The following ROBO1 variants were observed in gnomAD, a reference collection of about 807,000 sequenced individuals.
ROBO1 encodes roundabout guidance receptor 1.
A neutral mutation model predicts 195.9 loss-of-function variants in ROBO1; 149 were observed. The ratio of observed to expected loss-of-function variants is 0.76; its 90% CI spans 0.67 to 0.87. The LOEUF is 0.87. ROBO1 is among the 40% of genes least tolerant of loss of function. ROBO1 has a pLI of 0.00. For missense variants in ROBO1, 1,933 were observed against 2,068.3 expected, an observed-to-expected ratio of 0.93 and a Z score of 1.27; for synonymous variants, 816 against 733.2, an observed-to-expected ratio of 1.11 and a Z score of -1.82.
chr3:79,213,614 T>C (rs1402132177), intron 2 of ROBO1, among the ~76,000 whole-genome samples: 1 of 152,140 alleles, frequency 6.6e-6, no homozygotes, highest in African/African-American at 2.4e-5. Flanking sequence ...AAGAAAGCTT[T>C]ACATTTTTCT....
intron 3 of ROBO1, among the ~76,000 whole-genome samples, chr3:78,958,458 A>T (rs1188312544): frequency 1.3e-5 from 2 of 152,234 alleles, no homozygotes; most frequent in African/African-American, 4.8e-5. Flanking sequence ...ATCATTTAGA[A>T]ACACAAATAA....
chr3:79,194,903 T>C (rs1263735596), intron 2 of ROBO1, among the ~76,000 whole-genome samples: 1 of 151,636 alleles, frequency 6.6e-6, no homozygotes. Context: ...TTTAATATGC[T>C]GAGTTATGAA....
chr3:78,696,915 T>G (rs2081310301), intron 8 of ROBO1, among the ~76,000 whole-genome samples: 1 of 151,894 alleles, frequency 6.6e-6, no homozygotes, highest in Admixed American at 6.6e-5. Context: ...CAATCATTTT[T>G]AAGGGTAAAC....
chr3:79,486,022 A>C (rs576402146), intron 2 of ROBO1, among the ~76,000 whole-genome samples: 129 of 152,272 alleles, frequency 8.5e-4, no homozygotes, highest in African/African-American at 2.9e-3. Flanking sequence ...CCTGAATTTC[A>C]ATTCCAGTTC....
At chr3:79,364,218 C>G (rs1356378735) in intron 2 of ROBO1, among the ~76,000 whole-genome samples, 1 of 138,168 alleles carries the variant, frequency 7.2e-6, no homozygotes, top group African/African-American at 2.9e-5. Context: ...CAAAACGAAA[C>G]TATATAAATG....
intron 2 of ROBO1, among the ~76,000 whole-genome samples, chr3:79,241,713 T>C (rs971728312): frequency 7.3e-5 from 11 of 149,830 alleles, no homozygotes; most frequent in Non-Finnish European, 1.0e-4. Context: ...TAACAATATT[T>C]ATATAAATAT....
chr3:78,949,209 C>A (rs1028783243), intron 3 of ROBO1, among the ~76,000 whole-genome samples: 19 of 130,642 alleles, frequency 1.5e-4, no homozygotes, highest in African/African-American at 3.5e-4. Flanking sequence ...CCAAGTCAAT[C>A]CTAAGCCAAA....
chr3:79,138,897 G>A (rs1370773033), intron 2 of ROBO1, among the ~76,000 whole-genome samples: 1 of 151,696 alleles, frequency 6.6e-6, no homozygotes, highest in Non-Finnish European at 1.5e-5. Flanking sequence ...CTGAGAGGCT[G>A]CTCTTGAAAT....
chr3:79,295,750 T>C (rs1392396083), intron 2 of ROBO1, among the ~76,000 whole-genome samples: 3 of 152,122 alleles, frequency 2.0e-5, no homozygotes, highest in Non-Finnish European at 4.4e-5. Context: ...ATAGTTATTA[T>C]TTATAACCGG....
At chr3:78,837,870 G>A (rs1419614054) in intron 4 of ROBO1, among the ~76,000 whole-genome samples, 2 of 152,060 alleles carry the variant, frequency 1.3e-5, no homozygotes, top group Non-Finnish European at 2.9e-5. Context: ...ATGAATAGAT[G>A]GGAAAATACA....
At chr3:79,493,622 A>G (rs1443324287) in intron 2 of ROBO1, among the ~76,000 whole-genome samples, 1 of 151,954 alleles carries the variant, frequency 6.6e-6, no homozygotes, top group Non-Finnish European at 1.5e-5. Flanking sequence ...AAGGTTTTTT[A>G]TTTTATTAAT....
At chr3:79,331,334 C>G (rs1443390925) in intron 2 of ROBO1, among the ~76,000 whole-genome samples, 1 of 152,082 alleles carries the variant, frequency 6.6e-6, no homozygotes, top group East Asian at 1.9e-4. Flanking sequence ...GAAACATTTT[C>G]TAAAGTCTTA....
intron 3 of ROBO1, among the ~76,000 whole-genome samples, chr3:78,991,876 G>T (rs957372597): frequency 6.6e-6 from 1 of 151,716 alleles, no homozygotes; most frequent in South Asian, 2.1e-4. Flanking sequence ...CATCATAGAA[G>T]AAATTATGGA....
chr3:79,049,823 T>C lies in ROBO1; in HGVS notation c.172+75633A>G, dbSNP rs142386650. 3.2e-4 allele frequency among the ~76,000 whole-genome samples: 49 copies of C among 152,202 alleles called. 2 individuals carry two copies. In the East Asian group the frequency reaches 9.3e-3, roughly 29 times the overall value. Reference sequence around the variant, plus strand: ...AAGCTTCATAAGTGGAGAAATAAAATACTTTACAGACAAGCAAATTCTGAG... The same window carrying C: ...AAGCTTCATAAGTGGAGAAATAAAACACTTTACAGACAAGCAAATTCTGAG... On this transcript the variant is annotated intron_variant, in intron 3 of 30. Coordinates refer to ENST00000464233, the MANE Select transcript of ROBO1 (RefSeq NM_002941.4).
intron 2 of ROBO1, among the ~76,000 whole-genome samples, chr3:79,535,598 A>G (rs970283149): frequency 6.6e-6 from 1 of 152,156 alleles, no homozygotes; most frequent in Non-Finnish European, 1.5e-5. Flanking sequence ...TTTGGCAGCA[A>G]AGTTATGAGC....
At chr3:79,685,776 A>G (rs1051770926) in intron 1 of ROBO1, among the ~76,000 whole-genome samples, 5 of 152,134 alleles carry the variant, frequency 3.3e-5, no homozygotes, top group Non-Finnish European at 5.9e-5. Context: ...ATTCACAGCC[A>G]AATTCTACCA....
At chr3:79,661,905 T>C (rs1946340399) in intron 1 of ROBO1, among the ~76,000 whole-genome samples, 1 of 152,090 alleles carries the variant, frequency 6.6e-6, no homozygotes, top group Non-Finnish European at 1.5e-5. Context: ...GCATCTTCCA[T>C]TGTACTTTGT....
chr3:79,384,536 C>A (rs2036671220), intron 2 of ROBO1, among the ~76,000 whole-genome samples: 1 of 151,814 alleles, frequency 6.6e-6, no homozygotes. Flanking sequence ...CCAAGAAACT[C>A]CTATAAGGCG....
chr3:79,728,444 T>C (rs1460916849), intron 1 of ROBO1, among the ~76,000 whole-genome samples: 1 of 152,142 alleles, frequency 6.6e-6, no homozygotes. Context: ...CATCGATAAC[T>C]CTTTGTTTTG....
Sources: allele counts gnomAD v4.1 joint callset (sites outside exome capture counted in the v4.1 genomes callset), GRCh38; gene constraint gnomAD v4.1.1; transcripts MANE v1.5; gene names NCBI Gene and HGNC (gene_info 2026-07-23, HGNC 2026-07-21).